The following PARP1 variants were observed in gnomAD, a reference collection of about 807,000 sequenced individuals.
PARP1 encodes the protein poly [ADP-ribose] polymerase 1.
A neutral mutation model predicts 118.7 loss-of-function variants in PARP1; 44 were observed. The ratio of observed to expected loss-of-function variants is 0.37; its 90% CI spans 0.29 to 0.48. The LOEUF is 0.48. Among genes scored for constraint, PARP1 ranks in the 20% least tolerant of loss-of-function variants. The pLI is 0.99. For missense variants in PARP1, 1,100 were observed against 1,272.4 expected (o/e 0.86, Z 2.06); for synonymous variants, 492 against 483.2 (o/e 1.02, Z -0.24).
chr1:226,383,004 C>A (rs1193188247), intron 8 of PARP1, 32 bp downstream of exon 8: 2 of 1,610,598 alleles, frequency 1.2e-6, no homozygotes, highest in Non-Finnish European at 1.7e-6. Context: ...TCCTGCAAAG[C>A]AGCTCTAAGA....
chr1:226,363,057 A>G (rs2102725572), intron 21 of PARP1, 42 bp downstream of exon 21: 1 of 1,453,762 alleles, frequency 6.9e-7, no homozygotes, highest in Non-Finnish European at 9.7e-7. Context: ...TGTGCTGTCC[A>G]GGGTGCCTCG....
intron 2 of PARP1, among the ~76,000 whole-genome samples, chr1:226,393,955 T>C (rs1406382185): frequency 1.3e-5 from 2 of 151,968 alleles, no homozygotes; most frequent in Non-Finnish European, 1.5e-5. Flanking sequence ...GGCAAAAAAA[T>C]ACAATAGACA....
intron 14 of PARP1, chr1:226,370,845 G>A (rs901275966): frequency 8.4e-6 from 3 of 355,296 alleles, no homozygotes; most frequent in African/African-American, 4.2e-5. Flanking sequence ...ATGTGCAGAT[G>A]AGGGCTCATA....
At chr1:226,395,719 A>C (rs2102743813) in intron 2 of PARP1, among the ~76,000 whole-genome samples, 1 of 152,364 alleles carries the variant, frequency 6.6e-6, no homozygotes, top group African/African-American at 2.4e-5. Flanking sequence ...AATATGGCAT[A>C]TTCGTGCAAT....
At position 226,396,412 on chromosome 1, in the gene PARP1, C is replaced by CAA. The variant is rs34854741; in HGVS notation, c.287-4100_287-4099dup. Among the ~76,000 whole-genome samples the CAA allele has an allele frequency of 1.4e-3, 189 of 133,814 alleles. 3 individuals are homozygous for CAA. Among genetic ancestry groups the CAA allele is most frequent in the East Asian group, 0.012 (57 of 4,886 alleles). 87.8% of individuals were successfully genotyped at this position (133,814 alleles called of 152,430 possible). A position where few individuals can be genotyped will look rare whatever the true frequency, so the allele number is the denominator to read the frequency against. On this transcript the variant is annotated intron_variant, in intron 2 of 22. Coordinates refer to ENST00000366794, the MANE Select transcript of PARP1 (RefSeq NM_001618.4). ...TTTTATGTTATGCCTATTTTGCCAC[C>CAA]AAAAAAAAAAAAAAATCAAGTAAGA... is the stretch of plus-strand genomic sequence containing the variant.
chr1:226,386,729 T>A lies in PARP1; in HGVS notation c.718-287A>T, dbSNP rs987108230. Among the ~76,000 whole-genome samples the A allele has an allele frequency of 3.3e-5, 5 of 151,958 alleles. No homozygotes were observed. The South Asian group carries it at 1.0e-3, about 32-fold the overall frequency. On this transcript the variant is annotated intron_variant, in intron 5 of 22. Transcript: ENST00000366794. ...GGCTCCTGGAACCAACCCTCAGAAATCAATCCCCAGAAACACCAGGTAAGA... is the reference window on the plus strand; with the variant it reads ...GGCTCCTGGAACCAACCCTCAGAAAACAATCCCCAGAAACACCAGGTAAGA...
chr1:226,383,411 T>C (rs945712516), intron 7 of PARP1, among the ~76,000 whole-genome samples: 1 of 152,196 alleles, frequency 6.6e-6, no homozygotes, highest in Non-Finnish European at 1.5e-5. Flanking sequence ...GCTAATATTG[T>C]GGCTGCTTTA....
chr1:226,407,952 C>T lies in PARP1; in HGVS notation c.-23G>A, dbSNP rs1325337703. On this transcript the variant is annotated 5_prime_UTR_variant, in exon 1 of 23. Coordinates refer to ENST00000366794, the MANE Select transcript of PARP1 (RefSeq NM_001618.4). ...CATCCTCCCCTAGCTGCCGCCAAAG[C>T]TCCGGAAGCCCGACGCCACGACCTA... 1.9e-6 allele frequency: 3 copies of T among 1,611,812 alleles called. No homozygotes were observed. The highest frequency in any genetic ancestry group is 2.7e-5 in the African/African-American group (2 of 74,830).
At chr1:226,404,783 A>G (rs1188399617) in intron 1 of PARP1, among the ~76,000 whole-genome samples, 2 of 152,240 alleles carry the variant, frequency 1.3e-5, no homozygotes, top group Non-Finnish European at 2.9e-5. Flanking sequence ...TGTGCACCCA[A>G]GCAAAAACTG....
chr1:226,365,877 C>A, intron 18 of PARP1, 77 bp downstream of exon 18: 2 of 921,878 alleles, frequency 2.2e-6, no homozygotes. Context: ...TCTTTTCTAC[C>A]CAGGCCCAGG....
chr1:226,399,850 G>C (rs1455690291), intron 2 of PARP1, among the ~76,000 whole-genome samples: 1 of 152,120 alleles, frequency 6.6e-6, no homozygotes, highest in Non-Finnish European at 1.5e-5. Flanking sequence ...TGGAAACTCT[G>C]TACTTTACTC....
At chr1:226,396,487 C>G (rs1239892228) in intron 2 of PARP1, among the ~76,000 whole-genome samples, 3 of 149,310 alleles carry the variant, frequency 2.0e-5, no homozygotes, top group Non-Finnish European at 4.4e-5. Flanking sequence ...GAAAGAAAAT[C>G]AAGCACACTC....
chr1:226,392,089 C>T (rs3219033), intron 3 of PARP1, 110 bp downstream of exon 3: 9 of 787,988 alleles, frequency 1.1e-5, no homozygotes, highest in East Asian at 7.3e-5. Context: ...TAATCACTTA[C>T]GTTGAGCTAG....
chr1:226,379,184 G>C lies in PARP1; in HGVS notation c.1703C>G (p.Ser568Cys), dbSNP rs1478031928. 6.2e-7 allele frequency: 1 copy of C among 1,614,130 alleles called. No individual in the cohort carries two copies. Among genetic ancestry groups the C allele is most frequent in the African/African-American group, 1.3e-5 (1 of 74,946 alleles). The change falls in exon 12 of 23, where the codon TCC (serine) becomes TGC (cysteine). Residue 568 changes from serine (S) to cysteine (C), a missense_variant. By Grantham distance (112) the Ser-to-Cys change is moderately radical (BLOSUM62 -1). Around this residue, in one of 2 missense-constraint regions of PARP1, gnomAD observed 948 missense variants for 1,031.8 expected, o/e 0.92. Transcript: ENST00000366794. ...GLVDIVKGTNSYYKLQLLEDD... is the reference protein window; with the variant it reads ...GLVDIVKGTNCYYKLQLLEDD... Reference sequence around the variant, plus strand: ...CTCCAGAAGCTGCAGCTTGTAGTAGGAGTTGGTTCCTTTAACGATGTCCAC... The same window carrying C: ...CTCCAGAAGCTGCAGCTTGTAGTAGCAGTTGGTTCCTTTAACGATGTCCAC...
chr1:226,372,154 G>A (rs928520151), intron 14 of PARP1, among the ~76,000 whole-genome samples: 1 of 152,220 alleles, frequency 6.6e-6, no homozygotes, highest in African/African-American at 2.4e-5. Flanking sequence ...CTCCTCACAG[G>A]GAGAGTCAGG....
rs756835279 is a variant in PARP1, at chr1:226,363,172, A to G, written c.2787-12T>C. 6.2e-7 allele frequency: 1 copy of G among 1,607,762 alleles called. No individual in the cohort carries two copies. The highest frequency in any genetic ancestry group is 8.5e-7 in the Non-Finnish European group (1 of 1,174,194). On this transcript the variant is annotated splice_polypyrimidine_tract_variant and intron_variant, in intron 20 of 22. Coordinates refer to ENST00000366794, the MANE Select transcript of PARP1 (RefSeq NM_001618.4). ...GCTTCAGTTCATACCTATTCAAAAGAGGACAGTCTCAGAAGAGGCCTTCAC... is the reference window on the plus strand; with the variant it reads ...GCTTCAGTTCATACCTATTCAAAAGGGGACAGTCTCAGAAGAGGCCTTCAC...
intron 1 of PARP1, among the ~76,000 whole-genome samples, chr1:226,406,659 G>C (rs944368280): frequency 2.0e-5 from 3 of 152,190 alleles, no homozygotes; most frequent in African/African-American, 7.2e-5. Flanking sequence ...GGTGGATTCT[G>C]TGTCCTTAAA....
chr1:226,368,211 T>G lies in PARP1; in HGVS notation c.2265A>C (p.Ala755=). 6.2e-7 allele frequency: 1 copy of G among 1,614,202 alleles called. No homozygotes were observed. Among genetic ancestry groups the G allele is most frequent in the South Asian group, 1.1e-5 (1 of 91,084 alleles). ...ACCCTTGCGCTACCTGCACACTGTC[T>G]GCATTGTTCAGGAGCGGAGGCTTCT... is the stretch of plus-strand genomic sequence containing the variant. ...GMKKPPLLNN[A]DSVQAKVEML... The change falls in exon 16 of 23, where the codon GCA becomes GCC. Residue 755 remains alanine, a synonymous_variant. Transcript: ENST00000366794.
intron 18 of PARP1, among the ~76,000 whole-genome samples, chr1:226,365,725 C>T (rs1664246491): frequency 2.0e-5 from 3 of 151,422 alleles, no homozygotes; most frequent in South Asian, 4.2e-4. Flanking sequence ...CGGGATTGCA[C>T]CACTGCACTC....
Sources: gnomAD v4.1 joint callset for allele counts (sites outside exome capture counted in the v4.1 genomes callset) on GRCh38, gnomAD v4.1.1 for gene constraint, gnomAD v4.1.1 regional missense constraint, MANE v1.5 for transcripts, NCBI Gene and HGNC (gene_info 2026-07-23, HGNC 2026-07-21) for gene names.